The following TSC2 variants were observed in gnomAD, a reference collection of about 807,000 sequenced individuals.
TSC2 encodes the protein TSC complex subunit 2.
In TSC2, 29 loss-of-function variants were observed where a neutral mutation model predicts 202.2. That is an observed-to-expected ratio of 0.14 (90% CI 0.11 to 0.20). The LOEUF (loss-of-function observed/expected upper bound fraction) is 0.20. Ranked by LOEUF, TSC2 falls within the 10% of genes least tolerant of loss-of-function variation. The pLI, the probability that TSC2 is intolerant of heterozygous loss-of-function variation, is 1.00. For missense variants in TSC2, 2,429 were observed against 2,420.0 expected (o/e 1.00, Z -0.08); for synonymous variants, 1,349 against 1,044.0 (o/e 1.29, Z -5.63).
At position 2,065,581 on chromosome 16, in the gene TSC2, G is replaced by A. The variant is rs775617895; in HGVS notation, c.1662G>A (p.Ser554=). The A allele has an allele frequency of 1.3e-5, 21 of 1,613,686 alleles. No individual in the cohort carries two copies. Among genetic ancestry groups the A allele is most frequent in the Admixed American group, 6.7e-5 (4 of 59,994 alleles). Residue 554 remains serine (S), a synonymous_variant, in exon 16 of 42, where the codon TCG becomes TCA. Transcript: ENST00000219476. ...AAGAAAGGGATGTGGCCGCATACTC[G>A]GCCTCCTTGGAGGATGTGAAGACAG... ...ELEERDVAAY[S]ASLEDVKTAV...
At position 2,085,186 on chromosome 16, in the gene TSC2, G is replaced by A. The variant is rs369752567; in HGVS notation, c.4570-44G>A. On this transcript the variant is annotated intron_variant, in intron 35 of 41. Coordinates refer to ENST00000219476, the MANE Select transcript of TSC2 (RefSeq NM_000548.5). ...ACCGGCCTGGGTGGGGCGGCCTCCT[G>A]TGGACGGGCGTCTGGGGCTCAGGCA... is the stretch of plus-strand genomic sequence containing the variant. 8 of 1,611,616 alleles carry A rather than the reference G, an allele frequency of 5.0e-6. No individual in the cohort carries two copies. In the African/African-American group the frequency reaches 9.3e-5, roughly 19 times the overall value.
chr16:2,076,358 G>T, intron 24 of TSC2, 133 bp from the exon 25 acceptor site: 1 of 1,572,770 alleles, frequency 6.4e-7, no homozygotes, highest in South Asian at 1.1e-5. Flanking sequence ...GGCATTGAGG[G>T]GTGGGAGCTG....
intron 4 of TSC2, chr16:2,053,663 T>G (rs1024396484): frequency 3.2e-5 from 22 of 678,952 alleles, no homozygotes; most frequent in Non-Finnish European, 5.4e-5. Context: ...TGTAAACAGA[T>G]GGTCACTGCA....
At chr16:2,081,861 G>C in intron 31 of TSC2, 63 bp downstream of exon 31, 1 of 1,577,882 alleles carries the variant, frequency 6.3e-7, no homozygotes. Flanking sequence ...TCCCGGTGAC[G>C]GCAATGTGGC....
At position 2,055,528 on chromosome 16, in the gene TSC2, A is replaced by G; in HGVS notation, c.599+9A>G. 1 of 1,609,194 alleles carries G rather than the reference A, an allele frequency of 6.2e-7. No individual in the cohort carries two copies. Among genetic ancestry groups the G allele is most frequent in the South Asian group, 1.1e-5 (1 of 90,984 alleles). On this transcript the variant is annotated intron_variant, in intron 6 of 41. Transcript: ENST00000219476. ...ATCGCAAGGATGGTTCAGTAAGAAA[A>G]GAATTGAGATCCTGTTCTGATAATG... is the stretch of plus-strand genomic sequence containing the variant.
chr16:2,085,190 ACGG>A, intron 35 of TSC2, 37 bp from the exon 36 acceptor site: 1 of 1,611,826 alleles, frequency 6.2e-7, no homozygotes, highest in South Asian at 1.1e-5. Context: ...CCTCCTGTGG[ACGG>A]GCGTCTGGGG....
chr16:2,071,979 G>A lies in TSC2; in HGVS notation c.2097+45G>A, dbSNP rs772224541. ...GACCATCCGTCCCACGTTGGGCCAG[G>A]AGGACAGGGAGCTGCCACCTGCCTG... On this transcript the variant is annotated intron_variant, in intron 19 of 41. Coordinates refer to ENST00000219476, the MANE Select transcript of TSC2 (RefSeq NM_000548.5). 4.6e-6 allele frequency: 7 copies of A among 1,531,350 alleles called. No homozygotes were observed. The Admixed American group carries it at 7.9e-5, about 17-fold the overall frequency. 94.9% of individuals were successfully genotyped at this position (1,531,350 alleles called of 1,614,324 possible).
chr16:2,068,125 C>T (rs963820561), intron 16 of TSC2, among the ~76,000 whole-genome samples: 4 of 152,136 alleles, frequency 2.6e-5, no homozygotes, highest in African/African-American at 9.6e-5. Context: ...CTGCAACCTC[C>T]GCCTCCCAGG....
At chr16:2,049,582 T>TG (rs1178987738) in intron 2 of TSC2, among the ~76,000 whole-genome samples, 1 of 151,118 alleles carries the variant, frequency 6.6e-6, no homozygotes, top group Non-Finnish European at 1.5e-5. Flanking sequence ...CCCAGCACTT[T>TG]GGGAGGCCGA....
chr16:2,066,837 T>C (rs978701663), intron 16 of TSC2, among the ~76,000 whole-genome samples: 6 of 151,950 alleles, frequency 3.9e-5, no homozygotes, highest in African/African-American at 1.5e-4. Context: ...ATTTTTTGTA[T>C]TATTAGTAGA....
chr16:2,064,521 C>T (rs1463792989), intron 15 of TSC2, 94 bp downstream of exon 15: 1 of 1,585,562 alleles, frequency 6.3e-7, no homozygotes, highest in African/African-American at 1.3e-5. Flanking sequence ...CTTCGAGTGA[C>T]CGGATGGCTG....
chr16:2,083,791 A>G lies in TSC2; in HGVS notation c.3980A>G (p.Asp1327Gly), dbSNP rs1555513553. The G allele has an allele frequency of 6.2e-7, 1 of 1,611,536 alleles. No homozygotes were observed. Among genetic ancestry groups the G allele is most frequent in the East Asian group, 2.2e-5 (1 of 44,830 alleles). Reference protein sequence around the residue: ...LEDVEAALGMDRRTDAYSRSS... With the variant: ...LEDVEAALGMGRRTDAYSRSS... ...GACGTTGAGGCAGCGCTAGGCATGG[A>G]CAGGCGCACGGATGCCTACAGCAGG... Residue 1327 changes from aspartate to glycine, a missense_variant, in exon 33 of 42, where the codon GAC becomes GGC. By Grantham distance (94) the Asp-to-Gly change is moderately conservative. Coordinates refer to ENST00000219476, the MANE Select transcript of TSC2 (RefSeq NM_000548.5).
At chr16:2,063,241 C>G (rs2086862424) in intron 14 of TSC2, 188 bp downstream of exon 14, 1 of 723,016 alleles carries the variant, frequency 1.4e-6, no homozygotes, top group Non-Finnish European at 2.4e-6. Flanking sequence ...CTGGGTGCCT[C>G]TGCCAGGCCT....
chr16:2,062,149 A>G (rs1449433880), intron 12 of TSC2, 141 bp downstream of exon 12: 2 of 1,270,054 alleles, frequency 1.6e-6, no homozygotes, highest in African/African-American at 3.0e-5. Flanking sequence ...CTCGGCAGGG[A>G]AGGCTGGCAG....
At chr16:2,082,833 G>A (rs73498108) in intron 32 of TSC2, 544 of 475,830 alleles carry the variant, frequency 1.1e-3, no homozygotes, top group African/African-American at 0.01. Flanking sequence ...GCTGTTTAGG[G>A]GGAAGCCCAC....
Position 2,076,594 on chromosome 16 carries a change from T to C in TSC2, c.2837+9T>C, listed in dbSNP as rs912479360. 3.7e-6 allele frequency: 6 copies of C among 1,612,546 alleles called. No homozygotes were observed. The highest frequency in any genetic ancestry group is 3.3e-5 in the Admixed American group (2 of 59,976). ...AACGAGAGACCCAAGAGGTACGGCCTGCGGGGGTGTGCCTGGAGTCGGTGT... is the reference window on the plus strand; with the variant it reads ...AACGAGAGACCCAAGAGGTACGGCCCGCGGGGGTGTGCCTGGAGTCGGTGT... On this transcript the variant is annotated intron_variant, in intron 25 of 41. Transcript: ENST00000219476.
chr16:2,076,739 A>G, intron 25 of TSC2, 154 bp downstream of exon 25: 1 of 767,410 alleles, frequency 1.3e-6, no homozygotes, highest in South Asian at 1.6e-5. Context: ...AGGGCCGCTA[A>G]CACCCCTCAG....
intron 8 of TSC2, 74 bp from the exon 9 acceptor site, chr16:2,057,031 G>A (rs1420325020): frequency 6.5e-6 from 10 of 1,533,204 alleles, no homozygotes; most frequent in South Asian, 3.6e-5. Flanking sequence ...GCAGCCAGGC[G>A]GGGCCAGCAG....
At chr16:2,056,134 A>G (rs1307050022) in intron 6 of TSC2, 62 bp from the exon 7 acceptor site, 2 of 1,604,772 alleles carry the variant, frequency 1.2e-6, no homozygotes, top group Admixed American at 1.7e-5. Flanking sequence ...ACTAGACCAC[A>G]GCCCGTGGTG....
Sources: allele counts gnomAD v4.1 joint callset (sites outside exome capture counted in the v4.1 genomes callset), GRCh38; gene constraint gnomAD v4.1.1; transcripts MANE v1.5; gene names NCBI Gene and HGNC (gene_info 2026-07-23, HGNC 2026-07-21).